PCDHGB3: variants seen among roughly 807,000 people sequenced by gnomAD.
PCDHGB3 encodes the protein protocadherin gamma-B3.
In PCDHGB3, 40 loss-of-function variants were observed where a neutral mutation model predicts 59.2. That is an observed-to-expected ratio of 0.68 (90% confidence interval 0.52 to 0.88). The LOEUF (loss-of-function observed/expected upper bound fraction) is 0.88, where lower values mean the gene tolerates loss of function less well. Ranked by LOEUF, PCDHGB3 falls within the 40% of genes least tolerant of loss-of-function variation. The pLI is 0.00. For missense variants in PCDHGB3, 1,309 were observed against 1,187.9 expected (o/e 1.10, Z -1.50); for synonymous variants, 581 against 503.6 (o/e 1.15, Z -2.06).
chr5:141,475,381 T>G (rs1182018899), intron 1 of PCDHGB3, among the ~76,000 whole-genome samples: 3 of 152,226 alleles, frequency 2.0e-5, no homozygotes, highest in Non-Finnish European at 4.4e-5. Flanking sequence ...ACTTTTAAAT[T>G]TTATAAGCCA....
chr5:141,392,735 C>T, intron 1 of PCDHGB3: 1 of 1,428,540 alleles, frequency 7.0e-7, no homozygotes, highest in East Asian at 2.5e-5. Context: ...ATTGTCATCT[C>T]CATAGCTGCG....
intron 1 of PCDHGB3, chr5:141,441,988 A>G: frequency 3.7e-6 from 1 of 269,936 alleles, no homozygotes; most frequent in Non-Finnish European, 7.3e-6. Flanking sequence ...ATGCGCACCG[A>G]CGAGGTGCTG....
In PCDHGB3 at chr5:141,512,739, T is replaced by C. The variant is rs1251649814; in HGVS notation, c.*1566T>C. The stretch of plus-strand genomic sequence containing the variant: ...GGCGGGTGGGCAGCGGGCGGCGGGC[T>C]CCGCGCAGCCGTCTGTCCTTGATCT... On this transcript the variant is annotated 3_prime_UTR_variant, in exon 4 of 4. Transcript: ENST00000576222. 1 of 152,822 alleles carries C rather than the reference T, an allele frequency of 6.5e-6. No individual in the cohort carries two copies. The highest frequency in any genetic ancestry group is 2.4e-5 in the African/African-American group (1 of 41,464). 9.5% of individuals were successfully genotyped at this position (152,822 alleles called of 1,614,324 possible).
rs757526253 is a variant in PCDHGB3, at chr5:141,372,452, G to A, written c.2058G>A (p.Ala686=). ...GCCCCACTCCCTCTGACCCTCAGGC[G>A]GAGCTACAGTTTCACCTAGTAGTGG... ...SDRPTPSDPQ[A]ELQFHLVVAL... Residue 686 remains alanine (A), a synonymous_variant, in exon 1 of 4, where the codon GCG becomes GCA. Transcript: ENST00000576222. 8.7e-6 allele frequency: 14 copies of A among 1,613,920 alleles called. No homozygotes were observed. Among genetic ancestry groups the A allele is most frequent in the East Asian group, 6.7e-5 (3 of 44,888 alleles).
intron 1 of PCDHGB3, chr5:141,492,006 G>T (rs2099736069): frequency 7.8e-6 from 5 of 643,420 alleles, no homozygotes; most frequent in Non-Finnish European, 1.3e-5. Context: ...GGCGATTTCC[G>T]CGGGTGTCGG....
At chr5:141,428,226 C>A (rs2154552641) in intron 1 of PCDHGB3, 1 of 1,137,180 alleles carries the variant, frequency 8.8e-7, no homozygotes, top group South Asian at 1.3e-5. Flanking sequence ...TCTTCGCAGA[C>A]AGCCTGCAGG....
intron 1 of PCDHGB3, chr5:141,375,120 A>G (rs2150053387): frequency 6.2e-7 from 1 of 1,613,952 alleles, no homozygotes; most frequent in South Asian, 1.1e-5. Flanking sequence ...AATGTACCAG[A>G]AGTGGTTGTT....
At chr5:141,451,779 G>T (rs1284464259) in intron 1 of PCDHGB3, among the ~76,000 whole-genome samples, 1 of 152,070 alleles carries the variant, frequency 6.6e-6, no homozygotes, top group Non-Finnish European at 1.5e-5. Flanking sequence ...TACTCAGGAG[G>T]CTGAGGCCAG....
At chr5:141,464,312 C>T (rs2099081610) in intron 1 of PCDHGB3, among the ~76,000 whole-genome samples, 1 of 149,056 alleles carries the variant, frequency 6.7e-6, no homozygotes, top group South Asian at 2.1e-4. Flanking sequence ...GTGCACATAT[C>T]ATTATCTGTT....
Position 141,434,784 on chromosome 5 carries a change from AT to A in PCDHGB3, c.2416-60014del, listed in dbSNP as rs201914459. On this transcript the variant is annotated intron_variant, in intron 1 of 3. Transcript: ENST00000576222. The stretch of plus-strand genomic sequence containing the variant: ...ACTTCACACTTCTAAAAAAAAAAAA[AT>A]TTTTTTTTCTGAGCTTGGAGAAATA... Among the ~76,000 whole-genome samples the A allele has an allele frequency of 3.3e-4, 49 of 150,342 alleles. 1 individual carries two copies. Among genetic ancestry groups the A allele is most frequent in the Middle Eastern group, 3.4e-3 (1 of 290 alleles).
intron 1 of PCDHGB3, among the ~76,000 whole-genome samples, chr5:141,387,169 T>C (rs1428422324): frequency 4.6e-5 from 7 of 152,140 alleles, no homozygotes; most frequent in East Asian, 1.9e-4. Flanking sequence ...TAAGTATAAA[T>C]TGCACCTTCT....
At chr5:141,500,877 A>ATT (rs369345007) in intron 2 of PCDHGB3, among the ~76,000 whole-genome samples, 3 of 122,284 alleles carry the variant, frequency 2.5e-5, no homozygotes, top group Admixed American at 2.4e-4. Flanking sequence ...TTCATTTACA[A>ATT]TTTTTTTTTT....
intron 1 of PCDHGB3, chr5:141,393,578 G>T: frequency 6.2e-7 from 1 of 1,613,930 alleles, no homozygotes; most frequent in Non-Finnish European, 8.5e-7. Context: ...TTGAGAACAT[G>T]CCCCCAGGCA....
intron 1 of PCDHGB3, chr5:141,478,072 G>A (rs752905249): frequency 6.2e-7 from 1 of 1,614,048 alleles, no homozygotes; most frequent in Admixed American, 1.7e-5. Flanking sequence ...AAGACAATGG[G>A]GAGCCTTCGC....
chr5:141,510,791 A>C (rs1244085822), intron 3 of PCDHGB3, 156 bp from the exon 4 acceptor site: 1 of 929,250 alleles, frequency 1.1e-6, no homozygotes, highest in Non-Finnish European at 1.3e-6. Context: ...AACTCTTGTG[A>C]AGAGAGACTA....
At position 141,493,774 on chromosome 5, in the gene PCDHGB3, C is replaced by T. The variant is rs2099749996; in HGVS notation, c.2416-1033C>T. On this transcript the variant is annotated intron_variant, in intron 1 of 3. Coordinates refer to ENST00000576222, the MANE Select transcript of PCDHGB3 (RefSeq NM_018924.5). The surrounding 1 kb of genome is among the most constrained non-coding windows in gnomAD (Gnocchi z 4.3). ...GCCTTGAGTGAGCCACTGGCAGTTC[C>T]GGAGCTTCCTTCTCCCTGGAGTAAT... Among the ~76,000 whole-genome samples, 1 of 152,258 alleles carries T rather than the reference C, an allele frequency of 6.6e-6. No homozygotes were observed. The highest frequency in any genetic ancestry group is 1.9e-4 in the East Asian group (1 of 5,176).
intron 1 of PCDHGB3, among the ~76,000 whole-genome samples, chr5:141,465,343 TG>T (rs1048302340): frequency 1.5e-4 from 23 of 152,118 alleles, no homozygotes; most frequent in African/African-American, 5.3e-4. Flanking sequence ...TATTGGTTAC[TG>T]AAGAAAAAAT....
intron 1 of PCDHGB3, chr5:141,389,822 C>T (rs1253797821): frequency 1.2e-6 from 2 of 1,613,932 alleles, no homozygotes; most frequent in Non-Finnish European, 1.7e-6. Flanking sequence ...CCGTGCGTGA[C>T]GGTGGACAGC....
intron 1 of PCDHGB3, chr5:141,384,099 T>A (rs1456303515): frequency 6.3e-7 from 1 of 1,597,622 alleles, no homozygotes; most frequent in Non-Finnish European, 8.5e-7. Flanking sequence ...CAATAGATAA[T>A]TATTATAGAT....
Sources: allele counts gnomAD v4.1 joint callset (sites outside exome capture counted in the v4.1 genomes callset), GRCh38; gene constraint gnomAD v4.1.1; non-coding constraint Gnocchi (gnomAD v3.1); transcripts MANE v1.5; gene names NCBI Gene and HGNC (gene_info 2026-07-23, HGNC 2026-07-21).